Variants in LIMCH1 observed in about 807,000 individuals in gnomAD.
LIMCH1 encodes LIM and calponin homology domains-containing protein 1.
Under a neutral mutation model 176.5 loss-of-function variants are expected in LIMCH1, and 113 were observed. That is an observed-to-expected ratio of 0.64 (90% CI 0.55 to 0.75). LIMCH1 has a LOEUF of 0.75. Ranked by LOEUF, LIMCH1 falls within the 30% of genes least tolerant of loss-of-function variation. The probability of loss-of-function intolerance (pLI) is 0.00; values close to 1 mark genes in which losing one functional copy is unlikely to be tolerated. For synonymous variants in LIMCH1, 619 were observed against 645.9 expected, an observed-to-expected ratio of 0.96 and a Z score of 0.63; for missense variants, 1,674 against 1,814.9, an observed-to-expected ratio of 0.92 and a Z score of 1.41.
At chr4:41,429,533 C>T (rs1056038882) in intron 1 of LIMCH1, among the ~76,000 whole-genome samples, 2 of 152,152 alleles carry the variant, frequency 1.3e-5, no homozygotes, top group Non-Finnish European at 2.9e-5. Flanking sequence ...TTTATATTAG[C>T]GTTTGTATCA....
intron 2 of LIMCH1, among the ~76,000 whole-genome samples, chr4:41,523,630 T>C (rs956836733): frequency 6.6e-6 from 1 of 152,220 alleles, no homozygotes; most frequent in African/African-American, 2.4e-5. Context: ...TACTACACTT[T>C]ACCCAATTAC....
chr4:41,490,624 G>A (rs2070643909), intron 1 of LIMCH1, among the ~76,000 whole-genome samples: 1 of 152,196 alleles, frequency 6.6e-6, no homozygotes, highest in African/African-American at 2.4e-5. Flanking sequence ...AGCATCCCAA[G>A]GCAGAATAAT....
chr4:41,576,760 TATA>T (rs959559221), intron 1 of LIMCH1, among the ~76,000 whole-genome samples: 2 of 152,168 alleles, frequency 1.3e-5, no homozygotes, highest in African/African-American at 4.8e-5. Context: ...TGGAATGCCA[TATA>T]ATAATTTTTT....
At chr4:41,547,517 T>TTAAC (rs985929312) in intron 1 of LIMCH1, among the ~76,000 whole-genome samples, 5 of 150,690 alleles carry the variant, frequency 3.3e-5, no homozygotes, top group South Asian at 4.2e-4. Context: ...GGCTAATAAT[T>TTAAC]TAAGTTTCGC....
intron 21 of LIMCH1, 119 bp from the exon 22 acceptor site, chr4:41,671,435 C>A: frequency 1.5e-6 from 1 of 663,212 alleles, no homozygotes; most frequent in Non-Finnish European, 2.7e-6. Flanking sequence ...CACACACACA[C>A]ACACAAAATT....
At chr4:41,651,796 A>G (rs1419825747) in intron 18 of LIMCH1, among the ~76,000 whole-genome samples, 1 of 152,254 alleles carries the variant, frequency 6.6e-6, no homozygotes, top group African/African-American at 2.4e-5. Flanking sequence ...TAAAAAATGT[A>G]TGCTAATTCA....
intron 7 of LIMCH1, among the ~76,000 whole-genome samples, chr4:41,625,766 A>G (rs1455827976): frequency 6.6e-6 from 1 of 152,202 alleles, no homozygotes; most frequent in Non-Finnish European, 1.5e-5. Context: ...AAGGGACCAG[A>G]TTCTCCCTGC....
chr4:41,677,643 T>C (rs1304368811), intron 23 of LIMCH1, among the ~76,000 whole-genome samples: 4 of 152,206 alleles, frequency 2.6e-5, no homozygotes, highest in African/African-American at 9.7e-5. Context: ...TTACTTCATT[T>C]ATCCTCAAAC....
intron 13 of LIMCH1, among the ~76,000 whole-genome samples, chr4:41,637,521 A>G (rs1294159206): frequency 1.3e-5 from 2 of 152,222 alleles, no homozygotes; most frequent in South Asian, 2.1e-4. Context: ...CCCACTTGTC[A>G]TCTGCTTCAA....
At chr4:41,424,168 CTTCTCTCCCTCTCTCT>C (rs2060873780) in intron 1 of LIMCH1, among the ~76,000 whole-genome samples, 1 of 152,220 alleles carries the variant, frequency 6.6e-6, no homozygotes, top group African/African-American at 2.4e-5. Flanking sequence ...TCCCTCCCTC[CTTCTCTCCCTCTCTCT>C]TTCTCTCCCT....
At chr4:41,585,522 T>G (rs2086287495) in intron 1 of LIMCH1, among the ~76,000 whole-genome samples, 1 of 152,222 alleles carries the variant, frequency 6.6e-6, no homozygotes, top group Admixed American at 6.5e-5. Context: ...CTATTTGAGT[T>G]TCTGCTTTCA....
intron 1 of LIMCH1, among the ~76,000 whole-genome samples, chr4:41,430,766 G>A (rs985816249): frequency 6.6e-6 from 1 of 152,174 alleles, no homozygotes; most frequent in African/African-American, 2.4e-5. Flanking sequence ...CATCATTTTT[G>A]TGGTTTTGCC....
At chr4:41,668,085 T>C (rs1421021105) in intron 21 of LIMCH1, among the ~76,000 whole-genome samples, 1 of 152,200 alleles carries the variant, frequency 6.6e-6, no homozygotes, top group African/African-American at 2.4e-5. Flanking sequence ...TTCTCCAGTG[T>C]GTTTTGTAGA....
intron 1 of LIMCH1, among the ~76,000 whole-genome samples, chr4:41,448,205 G>A (rs1211843553): frequency 6.6e-6 from 1 of 152,206 alleles, no homozygotes; most frequent in African/African-American, 2.4e-5. Flanking sequence ...AGAGGTGTCT[G>A]CAGTCATGAT....
chr4:41,377,487 C>G (rs1039451065), intron 1 of LIMCH1, among the ~76,000 whole-genome samples: 1 of 152,176 alleles, frequency 6.6e-6, no homozygotes, highest in Admixed American at 6.5e-5. Flanking sequence ...GTAATACTCT[C>G]ATCTACCGCA....
At chr4:41,554,533 G>A (rs530891468) in intron 1 of LIMCH1, among the ~76,000 whole-genome samples, 1 of 152,162 alleles carries the variant, frequency 6.6e-6, no homozygotes, top group South Asian at 2.1e-4. Flanking sequence ...AAAACTGCAG[G>A]GGAACCATTA....
chr4:41,378,949 AGAGG>A (rs2055209711), intron 1 of LIMCH1, among the ~76,000 whole-genome samples: 1 of 152,192 alleles, frequency 6.6e-6, no homozygotes, highest in South Asian at 2.1e-4. Context: ...AGACATTCAG[AGAGG>A]GAGTTGAGAG....
chr4:41,691,599 A>C (rs1725816940), intron 30 of LIMCH1, among the ~76,000 whole-genome samples: 1 of 148,546 alleles, frequency 6.7e-6, no homozygotes, highest in East Asian at 2.0e-4. Flanking sequence ...ATACAAAAAA[A>C]AAAAAAAAAA....
chr4:41,493,527 T>A (rs975954799), intron 1 of LIMCH1, among the ~76,000 whole-genome samples: 4 of 152,186 alleles, frequency 2.6e-5, no homozygotes, highest in Non-Finnish European at 5.9e-5. Context: ...TATATAGCAT[T>A]TATATTATAT....
Sources: allele counts gnomAD v4.1 joint callset (sites outside exome capture counted in the v4.1 genomes callset), GRCh38; gene constraint gnomAD v4.1.1; transcripts MANE v1.5; gene names NCBI Gene and HGNC (gene_info 2026-07-23, HGNC 2026-07-21).